Variants in DPP10 observed in about 807,000 individuals in gnomAD.
The protein encoded by DPP10 is dipeptidyl peptidase like 10, also known as inactive dipeptidyl peptidase 10.
DPP10 carries 33 observed loss-of-function variants against 120.9 expected under a neutral mutation model. The ratio of observed to expected loss-of-function variants is 0.27; its 90% CI spans 0.21 to 0.37. The LOEUF is 0.37. Among genes scored for constraint, DPP10 ranks in the 10% least tolerant of loss-of-function variants. DPP10 has a pLI of 1.00. For missense variants in DPP10, 816 were observed against 942.8 expected (o/e 0.87, Z 1.76); for synonymous variants, 337 against 326.1 (o/e 1.03, Z -0.36).
intron 1 of DPP10, among the ~76,000 whole-genome samples, chr2:115,160,210 C>T (rs2104951664): frequency 6.6e-6 from 1 of 152,252 alleles, no homozygotes; most frequent in African/African-American, 2.4e-5. Context: ...AGTTATTTCT[C>T]CTGAAACAGA....
chr2:115,833,658 G>A (rs931930559), intron 21 of DPP10, among the ~76,000 whole-genome samples: 1 of 152,120 alleles, frequency 6.6e-6, no homozygotes, highest in Non-Finnish European at 1.5e-5. Flanking sequence ...AGTCAAAAAT[G>A]CCATTAAAAC....
intron 3 of DPP10, among the ~76,000 whole-genome samples, chr2:115,432,972 A>G (rs563571419): frequency 6.6e-6 from 1 of 152,092 alleles, no homozygotes; most frequent in African/African-American, 2.4e-5. Context: ...ATAGTGATCC[A>G]AGTGCCTTGT....
At chr2:115,204,742 G>T (rs192519689) in intron 1 of DPP10, among the ~76,000 whole-genome samples, 1 of 152,140 alleles carries the variant, frequency 6.6e-6, no homozygotes, top group Non-Finnish European at 1.5e-5. Context: ...AGCTCCTCCC[G>T]TGGGGAGCAG....
intron 3 of DPP10, among the ~76,000 whole-genome samples, chr2:115,490,260 C>G (rs1228696095): frequency 6.6e-6 from 1 of 152,102 alleles, no homozygotes; most frequent in Admixed American, 6.6e-5. Context: ...ACAATCATGG[C>G]AGAAGGTACG....
intron 3 of DPP10, among the ~76,000 whole-genome samples, chr2:115,407,623 C>G (rs1028558413): frequency 6.6e-6 from 1 of 151,894 alleles, no homozygotes; most frequent in Non-Finnish European, 1.5e-5. Context: ...CTCAAAAACC[C>G]GAGGTCTTTT....
chr2:115,802,305 C>G (rs1685350750), intron 19 of DPP10, among the ~76,000 whole-genome samples: 1 of 152,026 alleles, frequency 6.6e-6, no homozygotes, highest in South Asian at 2.1e-4. Context: ...TTTATTGTGT[C>G]TATTTGATTC....
At chr2:115,729,590 G>A (rs2092848467) in intron 8 of DPP10, among the ~76,000 whole-genome samples, 1 of 152,100 alleles carries the variant, frequency 6.6e-6, no homozygotes, top group African/African-American at 2.4e-5. Flanking sequence ...AAATAGCAAG[G>A]TTTTCATTTC....
intron 1 of DPP10, among the ~76,000 whole-genome samples, chr2:114,615,696 C>T (rs946851144): frequency 1.3e-5 from 2 of 152,112 alleles, no homozygotes; most frequent in African/African-American, 2.4e-5. Context: ...CCTTTCAATG[C>T]GTTATTCTTT....
intron 1 of DPP10, among the ~76,000 whole-genome samples, chr2:114,542,629 C>T (rs1687047987): frequency 6.6e-6 from 1 of 152,170 alleles, no homozygotes; most frequent in Non-Finnish European, 1.5e-5. Context: ...TTGAATCCAC[C>T]ATTTGCTAGC....
intron 3 of DPP10, among the ~76,000 whole-genome samples, chr2:115,426,579 G>A (rs1298474174): frequency 7.6e-6 from 1 of 130,764 alleles, no homozygotes; most frequent in African/African-American, 3.0e-5. Flanking sequence ...TTCTCACCAG[G>A]TGCCACCTCT....
At chr2:114,880,229 A>T (rs1691496290) in intron 1 of DPP10, among the ~76,000 whole-genome samples, 1 of 152,202 alleles carries the variant, frequency 6.6e-6, no homozygotes, top group Non-Finnish European at 1.5e-5. Flanking sequence ...CGTGTTAATC[A>T]TTGCTTTGTG....
At chr2:114,683,130 A>G (rs180967750) in intron 1 of DPP10, among the ~76,000 whole-genome samples, 2 of 152,132 alleles carry the variant, frequency 1.3e-5, no homozygotes, top group Non-Finnish European at 1.5e-5. Context: ...CGTCTTGGCC[A>G]TACCTTATCG....
At chr2:115,233,516 AC>A (rs1474729071) in intron 1 of DPP10, among the ~76,000 whole-genome samples, 2 of 152,032 alleles carry the variant, frequency 1.3e-5, no homozygotes, top group African/African-American at 4.8e-5. Flanking sequence ...GCTGGAGAAG[AC>A]CTGTTCTTTT....
At position 115,377,681 on chromosome 2, in the gene DPP10, T is replaced by C. The variant is rs2065923021; in HGVS notation, c.271+33769T>C. The stretch of plus-strand genomic sequence containing the variant: ...GGTTTTCTTCTAGGGTTTTTATGGT[T>C]TTAGGTTTATCGTTTAAGTCTTTAA... On this transcript the variant is annotated intron_variant, in intron 3 of 25. Coordinates refer to ENST00000410059, the MANE Select transcript of DPP10 (RefSeq NM_020868.6). 5.3e-5 allele frequency among the ~76,000 whole-genome samples: 8 copies of C among 152,264 alleles called. No homozygotes were observed. In the South Asian group the frequency reaches 1.7e-3, roughly 32 times the overall value.
At chr2:115,802,573 T>G (rs1685394011) in intron 19 of DPP10, among the ~76,000 whole-genome samples, 1 of 152,232 alleles carries the variant, frequency 6.6e-6, no homozygotes, top group African/African-American at 2.4e-5. Context: ...CATTTAGTGC[T>G]ATAAATTTCC....
intron 1 of DPP10, among the ~76,000 whole-genome samples, chr2:115,179,168 T>G (rs1244259403): frequency 6.6e-6 from 1 of 152,198 alleles, no homozygotes; most frequent in African/African-American, 2.4e-5. Flanking sequence ...TGAAATATTC[T>G]GAAACACAAT....
chr2:115,101,370 A>T (rs2048687004), intron 1 of DPP10, among the ~76,000 whole-genome samples: 1 of 152,122 alleles, frequency 6.6e-6, no homozygotes, highest in Non-Finnish European at 1.5e-5. Context: ...TGCTTTTGGT[A>T]TATAGTATAA....
chr2:115,705,518 G>T (rs1268924449), intron 7 of DPP10, among the ~76,000 whole-genome samples: 1 of 151,882 alleles, frequency 6.6e-6, no homozygotes, highest in Non-Finnish European at 1.5e-5. Context: ...GAGGAACAAG[G>T]CCAGCAATTG....
At chr2:114,762,487 C>G (rs911305204) in intron 1 of DPP10, among the ~76,000 whole-genome samples, 1 of 152,194 alleles carries the variant, frequency 6.6e-6, no homozygotes, top group African/African-American at 2.4e-5. Context: ...TGGAAATATA[C>G]TTTGAAAAAA....
Sources: allele counts gnomAD v4.1 joint callset (sites outside exome capture counted in the v4.1 genomes callset), GRCh38; gene constraint gnomAD v4.1.1; transcripts MANE v1.5; gene names NCBI Gene and HGNC (gene_info 2026-07-23, HGNC 2026-07-21).